The following RAP2A variants were observed in gnomAD, a reference collection of about 807,000 sequenced individuals.
RAP2A encodes the protein RAP2A, member of RAS oncogene family.
RAP2A carries 5 observed loss-of-function variants against 15.1 expected under a neutral mutation model. That is an observed-to-expected ratio of 0.33 (90% CI 0.17 to 0.70). RAP2A has a LOEUF of 0.70. Among genes scored for constraint, RAP2A ranks in the 30% least tolerant of loss-of-function variants. RAP2A has a pLI of 0.68. For synonymous variants in RAP2A, 110 were observed against 99.7 expected (o/e 1.10, Z -0.62); for missense variants, 111 against 240.3 (o/e 0.46, Z 3.56).
intron 1 of RAP2A, among the ~76,000 whole-genome samples, chr13:97,461,706 G>A (rs1476269108): frequency 1.3e-5 from 2 of 152,066 alleles, no homozygotes; most frequent in African/African-American, 4.8e-5. Context: ...GCTCACGCCT[G>A]TAATCCCAGC....
rs189414290 is a variant in RAP2A at position 97,436,517 on chromosome 13, G to T, written c.314+1733G>T. ...AGATATGAAGATGCACATATACACTGATAAAGCCACATACCCATGGCTAAC... is the reference window on the plus strand; with the variant it reads ...AGATATGAAGATGCACATATACACTTATAAAGCCACATACCCATGGCTAAC... On this transcript the variant is annotated intron_variant, in intron 1 of 1. Coordinates refer to ENST00000245304, the MANE Select transcript of RAP2A (RefSeq NM_021033.7). 1.8e-3 allele frequency among the ~76,000 whole-genome samples: 273 copies of T among 152,236 alleles called. 1 individual carries two copies. The highest frequency in any genetic ancestry group is 6.0e-3 in the African/African-American group (251 of 41,536).
chr13:97,451,573 T>C (rs2153179806), intron 1 of RAP2A, among the ~76,000 whole-genome samples: 1 of 152,296 alleles, frequency 6.6e-6, no homozygotes, highest in Admixed American at 6.5e-5. Flanking sequence ...AATTGTTCTG[T>C]CGATGGGGCA....
At chr13:97,453,752 T>C (rs1029288336) in intron 1 of RAP2A, among the ~76,000 whole-genome samples, 1 of 151,256 alleles carries the variant, frequency 6.6e-6, no homozygotes, top group Admixed American at 6.6e-5. Flanking sequence ...CTCGTGATGA[T>C]TATCATGGTT....
intron 1 of RAP2A, among the ~76,000 whole-genome samples, chr13:97,448,291 A>G (rs913111047): frequency 4.6e-5 from 7 of 152,220 alleles, no homozygotes; most frequent in Non-Finnish European, 8.8e-5. Flanking sequence ...TTTTACAGCT[A>G]TATCACCATT....
intron 1 of RAP2A, among the ~76,000 whole-genome samples, chr13:97,440,144 C>T (rs751170828): frequency 2.0e-5 from 3 of 152,082 alleles, no homozygotes; most frequent in Non-Finnish European, 4.4e-5. Context: ...GCTCTGCTAC[C>T]GTTTTTCCCT....
chr13:97,460,510 T>C (rs1380314557), intron 1 of RAP2A, among the ~76,000 whole-genome samples: 2 of 152,088 alleles, frequency 1.3e-5, no homozygotes, highest in African/African-American at 2.4e-5. Flanking sequence ...TCCTAGTCTG[T>C]TTGGTTTCTT....
intron 1 of RAP2A, among the ~76,000 whole-genome samples, chr13:97,457,019 C>T (rs2066725842): frequency 6.6e-6 from 1 of 152,118 alleles, no homozygotes; most frequent in East Asian, 1.9e-4. Flanking sequence ...ACTCCCGTAA[C>T]ACTTTATCAA....
chr13:97,455,634 G>T lies in RAP2A; in HGVS notation c.315-8571G>T, dbSNP rs530649145. Among the ~76,000 whole-genome samples the T allele has an allele frequency of 5.7e-4, 87 of 151,540 alleles. 3 individuals carry two copies. The highest frequency in any genetic ancestry group is 2.0e-3 in the African/African-American group (82 of 41,162). ...CAAAGCCTTTACTATGCTGTCTTGT[G>T]TATACACCACTCAGTGGCTAGTCTG... On this transcript the variant is annotated intron_variant, in intron 1 of 1. Transcript: ENST00000245304.
At chr13:97,440,580 T>C (rs188941133) in intron 1 of RAP2A, among the ~76,000 whole-genome samples, 96 of 152,270 alleles carry the variant, frequency 6.3e-4, no homozygotes, top group African/African-American at 2.2e-3. Context: ...GGTCAAAAAA[T>C]TGAAATTTGT....
At chr13:97,455,343 TC>T (rs1473622755) in intron 1 of RAP2A, among the ~76,000 whole-genome samples, 4 of 151,588 alleles carry the variant, frequency 2.6e-5, no homozygotes, top group African/African-American at 9.7e-5. Context: ...TTCTTTAAAG[TC>T]TGATAATTTC....
At chr13:97,457,796 A>T (rs908448031) in intron 1 of RAP2A, among the ~76,000 whole-genome samples, 2 of 152,142 alleles carry the variant, frequency 1.3e-5, no homozygotes, top group South Asian at 2.1e-4. Context: ...ATTAAGAATT[A>T]AAAAAATGTT....
chr13:97,434,475 G>T lies in RAP2A; in HGVS notation c.5G>T (p.Arg2Leu). M[R>L]EYKVVVLGSG... Reference sequence around the variant, plus strand: ...GGCGGCGGCCGCGGAGGGACGATGCGCGAGTACAAAGTGGTGGTGCTGGGC... The same window carrying T: ...GGCGGCGGCCGCGGAGGGACGATGCTCGAGTACAAAGTGGTGGTGCTGGGC... Residue 2 changes from arginine to leucine, a missense_variant, in exon 1 of 2, where the codon CGC (arginine) becomes CTC (leucine). By Grantham distance (102) the Arg-to-Leu change is moderately radical (BLOSUM62 -2). Around this residue, in one of 3 missense-constraint regions of RAP2A, gnomAD observed 20 missense variants for 28.2 expected, o/e 0.71. Coordinates refer to ENST00000245304, the MANE Select transcript of RAP2A (RefSeq NM_021033.7). 1 of 1,599,328 alleles carries T rather than the reference G, an allele frequency of 6.3e-7. No individual in the cohort carries two copies. The highest frequency in any genetic ancestry group is 8.5e-7 in the Non-Finnish European group (1 of 1,170,952).
intron 1 of RAP2A, among the ~76,000 whole-genome samples, chr13:97,435,072 G>A (rs192412523): frequency 6.6e-6 from 1 of 152,212 alleles, no homozygotes; most frequent in Non-Finnish European, 1.5e-5. Context: ...AAACTTGCAG[G>A]GGGGAAAGGG....
chr13:97,436,931 C>T (rs996497474), intron 1 of RAP2A, among the ~76,000 whole-genome samples: 23 of 152,282 alleles, frequency 1.5e-4, no homozygotes, highest in South Asian at 1.0e-3. Context: ...CTAACCCCAG[C>T]GTCTGGCTTC....
intron 1 of RAP2A, among the ~76,000 whole-genome samples, chr13:97,435,055 A>G (rs1268640018): frequency 6.6e-6 from 1 of 152,218 alleles, no homozygotes; most frequent in East Asian, 1.9e-4. Context: ...CAAGGAAACA[A>G]AGTTTAAAAC....
intron 1 of RAP2A, among the ~76,000 whole-genome samples, chr13:97,462,633 T>G (rs148262241): frequency 1.3e-3 from 198 of 152,344 alleles, no homozygotes; most frequent in African/African-American, 4.4e-3. Flanking sequence ...TGATATAAAT[T>G]GAAGTTGTCC....
chr13:97,457,761 T>C (rs1439405749), intron 1 of RAP2A, among the ~76,000 whole-genome samples: 3 of 152,276 alleles, frequency 2.0e-5, no homozygotes, highest in South Asian at 2.1e-4. Flanking sequence ...AAAATAGTTA[T>C]AGTGATCATT....
chr13:97,450,122 C>T (rs1459269399), intron 1 of RAP2A, among the ~76,000 whole-genome samples: 1 of 152,162 alleles, frequency 6.6e-6, no homozygotes, highest in African/African-American at 2.4e-5. Context: ...CTCTTCATAG[C>T]TTTCAAGCTT....
At chr13:97,451,029 G>T (rs2066700301) in intron 1 of RAP2A, among the ~76,000 whole-genome samples, 1 of 152,046 alleles carries the variant, frequency 6.6e-6, no homozygotes, top group Non-Finnish European at 1.5e-5. Context: ...GCCAGTTTTG[G>T]ATATAAATTA....
Sources: gnomAD v4.1 joint callset for allele counts (sites outside exome capture counted in the v4.1 genomes callset) on GRCh38, gnomAD v4.1.1 for gene constraint, gnomAD v4.1.1 regional missense constraint, MANE v1.5 for transcripts, NCBI Gene and HGNC (gene_info 2026-07-23, HGNC 2026-07-21) for gene names.